Variants in CCDC92 observed in about 807,000 individuals in gnomAD.
CCDC92 encodes the protein coiled-coil domain-containing protein 92.
CCDC92 carries 12 observed loss-of-function variants against 24.9 expected under a neutral mutation model. The ratio of observed to expected loss-of-function variants is 0.48; its 90% CI spans 0.31 to 0.78. The LOEUF is 0.78. Ranked by LOEUF, CCDC92 falls within the 30% of genes least tolerant of loss-of-function variation. The pLI is 0.05. For synonymous variants in CCDC92, 193 were observed against 196.3 expected (o/e 0.98, Z 0.14); for missense variants, 399 against 439.4 (o/e 0.91, Z 0.82).
At chr12:123,953,637 G>A (rs895229792) in intron 1 of CCDC92, among the ~76,000 whole-genome samples, 1 of 152,156 alleles carries the variant, frequency 6.6e-6, no homozygotes, top group Admixed American at 6.5e-5. Context: ...AATTAGCTGG[G>A]CGTGGTGGCA....
intron 1 of CCDC92, among the ~76,000 whole-genome samples, chr12:123,951,966 G>A (rs529828827): frequency 6.6e-6 from 1 of 152,296 alleles, no homozygotes; most frequent in South Asian, 2.1e-4. Flanking sequence ...GCCCAAAGAA[G>A]ATCTGCTTAA....
At chr12:123,967,465 C>A (rs1402120128) in intron 1 of CCDC92, among the ~76,000 whole-genome samples, 1 of 152,114 alleles carries the variant, frequency 6.6e-6, no homozygotes, top group Non-Finnish European at 1.5e-5. Flanking sequence ...TACTAGCCAC[C>A]GAGGCAGAAA....
intron 1 of CCDC92, chr12:123,945,525 G>A (rs536026894): frequency 1.3e-5 from 2 of 152,412 alleles, no homozygotes; most frequent in East Asian, 3.9e-4. Context: ...TGGAAAGGGT[G>A]AGCACCTTCT....
intron 3 of CCDC92, 143 bp from the exon 4 acceptor site, chr12:123,942,928 A>C: frequency 1.4e-6 from 1 of 714,236 alleles, no homozygotes; most frequent in East Asian, 2.6e-5. Flanking sequence ...AGAGGTGAGC[A>C]TGAGAGCAGC....
chr12:123,960,667 G>A (rs1395634525), intron 1 of CCDC92: 3 of 152,246 alleles, frequency 2.0e-5, no homozygotes, highest in Non-Finnish European at 4.4e-5. Context: ...GAGCTTGGAT[G>A]ACGCTTTTCT....
intron 1 of CCDC92, among the ~76,000 whole-genome samples, chr12:123,947,879 T>A (rs1334008692): frequency 6.6e-6 from 1 of 152,192 alleles, no homozygotes; most frequent in Non-Finnish European, 1.5e-5. Flanking sequence ...ACTCTTTGTG[T>A]CCACGCTGCT....
In CCDC92 at chr12:123,948,255, C is replaced by G. The variant is rs145366720; in HGVS notation, c.-59-3891G>C. On this transcript the variant is annotated intron_variant, in intron 1 of 4. Transcript: ENST00000238156. The stretch of plus-strand genomic sequence containing the variant: ...TTTCTTCTACGCTCTCCCACGGGGG[C>G]AGAGGGGAATGGAGTACAAATGTTA... Among the ~76,000 whole-genome samples, 6 of 152,316 alleles carry G rather than the reference C, an allele frequency of 3.9e-5. No homozygotes were observed. The East Asian group carries it at 5.8e-4, about 15-fold the overall frequency.
chr12:123,936,477 C>T lies in CCDC92; in HGVS notation c.*581G>A, dbSNP rs1455277677. On this transcript the variant is annotated 3_prime_UTR_variant, in exon 5 of 5. Transcript: ENST00000238156. ...GATAAAACTAACAAAAAAATATGAA[C>T]ACACATTCAGGTTGTGGTGCTATGA... 6.5e-6 allele frequency: 1 copy of T among 153,540 alleles called. No individual in the cohort carries two copies. The highest frequency in any genetic ancestry group is 1.5e-5 in the Non-Finnish European group (1 of 68,786). 9.5% of individuals were successfully genotyped at this position (153,540 alleles called of 1,614,324 possible).
chr12:123,954,433 A>G (rs1956102748), intron 1 of CCDC92, among the ~76,000 whole-genome samples: 1 of 152,208 alleles, frequency 6.6e-6, no homozygotes, highest in African/African-American at 2.4e-5. Context: ...GCAGCCTAAC[A>G]TTAAAGTCGT....
intron 1 of CCDC92, among the ~76,000 whole-genome samples, chr12:123,963,178 AAG>A (rs1956314599): frequency 6.6e-6 from 1 of 152,200 alleles, no homozygotes; most frequent in South Asian, 2.1e-4. Flanking sequence ...CCCAAAGGTC[AAG>A]AGAGTTTTGG....
chr12:123,944,469 G>A, intron 1 of CCDC92, 105 bp from the exon 2 acceptor site: 1 of 628,324 alleles, frequency 1.6e-6, no homozygotes, highest in South Asian at 2.8e-5. Flanking sequence ...CTCCGTAAAG[G>A]AGGTACAACT....
intron 1 of CCDC92, among the ~76,000 whole-genome samples, chr12:123,963,507 T>TG (rs532085464): frequency 1.3e-5 from 2 of 152,234 alleles, no homozygotes; most frequent in Admixed American, 6.5e-5. Flanking sequence ...CTAAAATGAC[T>TG]GGAACACTGG....
intron 1 of CCDC92, among the ~76,000 whole-genome samples, chr12:123,950,967 G>A (rs1391018831): frequency 6.6e-6 from 1 of 152,038 alleles, no homozygotes; most frequent in Admixed American, 6.5e-5. Context: ...CATCCCCCTG[G>A]GTCCCCTCGG....
In CCDC92 at chr12:123,937,695, T is replaced by C. The variant is rs1955561578; in HGVS notation, c.359A>G (p.Glu120Gly). ...CTTCTCTCGCTCCTTGATGGTGTTC[T>C]CCAGCACTGTGATCATCGCGTTTTT... ...EQKNAMITVLENTIKEREKKY... is the reference protein window; with the variant it reads ...EQKNAMITVLGNTIKEREKKY... The change falls in exon 5 of 5, where the codon GAG (glutamate) becomes GGG (glycine). Residue 120 changes from glutamate to glycine, a missense_variant. Physicochemically the swap from Glu to Gly is moderately conservative, Grantham distance 98. Transcript: ENST00000238156. This position sits in a 1 kb window ranked among gnomAD's most constrained non-coding sequence, Gnocchi z 8.4. 7 of 1,614,178 alleles carry C rather than the reference T, an allele frequency of 4.3e-6. No individual in the cohort carries two copies. The highest frequency in any genetic ancestry group is 5.9e-6 in the Non-Finnish European group (7 of 1,180,050).
intron 3 of CCDC92, 30 bp downstream of exon 3, chr12:123,943,317 C>G (rs1594457607): frequency 1.2e-6 from 2 of 1,605,034 alleles, no homozygotes; most frequent in Admixed American, 3.3e-5. Context: ...TAGCCGCCCC[C>G]CGCCTGCCCG....
Position 123,937,602 on chromosome 12 carries a change from C to A in CCDC92, c.452G>T (p.Arg151Leu), listed in dbSNP as rs766947844. ...GGTCAGGTAGGCGATGGTGCTGGCC[C>A]GCTGCTCCAGCTCGCTAGACAGCAG... ...LTLLSSELEQ[R>L]ASTIAYLTSQ... Residue 151 changes from arginine (R) to leucine (L), a missense_variant, in exon 5 of 5, where the codon CGG (arginine) becomes CTG (leucine). By Grantham distance (102) the Arg-to-Leu change is moderately radical. Coordinates refer to ENST00000238156, the MANE Select transcript of CCDC92 (RefSeq NM_025140.3). This position sits in a 1 kb window ranked among gnomAD's most constrained non-coding sequence, Gnocchi z 8.4. The A allele has an allele frequency of 1.4e-5, 23 of 1,613,478 alleles. No individual in the cohort carries two copies. Among genetic ancestry groups the A allele is most frequent in the Non-Finnish European group, 1.8e-5 (21 of 1,180,028 alleles).
intron 1 of CCDC92, chr12:123,971,430 AAAAAAG>A (rs1566185784): frequency 6.6e-6 from 1 of 152,150 alleles, no homozygotes; most frequent in African/African-American, 2.4e-5. Flanking sequence ...CAAAAAAAAA[AAAAAAG>A]AAAAGTCGTT....
intron 1 of CCDC92, among the ~76,000 whole-genome samples, chr12:123,950,359 A>G (rs934747847): frequency 2.0e-5 from 3 of 152,128 alleles, no homozygotes; most frequent in Non-Finnish European, 4.4e-5. Flanking sequence ...GCTCGCACGG[A>G]GGCTGGATCC....
At chr12:123,960,407 T>G (rs1296783629) in intron 1 of CCDC92, among the ~76,000 whole-genome samples, 6 of 152,182 alleles carry the variant, frequency 3.9e-5, no homozygotes, top group African/African-American at 1.4e-4. Flanking sequence ...TTCATTTCTG[T>G]GGAAAGGAAA....
Sources: allele counts gnomAD v4.1 joint callset (sites outside exome capture counted in the v4.1 genomes callset), GRCh38; gene constraint gnomAD v4.1.1; non-coding constraint Gnocchi (gnomAD v3.1); transcripts MANE v1.5; gene names NCBI Gene and HGNC (gene_info 2026-07-23, HGNC 2026-07-21).